The following ROBO2 variants were observed in gnomAD, a reference collection of about 807,000 sequenced individuals.
ROBO2 encodes roundabout guidance receptor 2.
ROBO2 carries 53 observed loss-of-function variants against 160.8 expected under a neutral mutation model. The ratio of observed to expected loss-of-function variants is 0.33; its 90% CI spans 0.26 to 0.41. The LOEUF (loss-of-function observed/expected upper bound fraction) is 0.41, where lower values mean the gene tolerates loss of function less well. ROBO2 is among the 10% of genes least tolerant of loss of function. The probability of loss-of-function intolerance (pLI) is 1.00; values close to 1 mark genes in which losing one functional copy is unlikely to be tolerated. For missense variants in ROBO2, 1,577 were observed against 1,722.4 expected (o/e 0.92, Z 1.49); for synonymous variants, 664 against 611.7 (o/e 1.09, Z -1.26).
intron 2 of ROBO2, among the ~76,000 whole-genome samples, chr3:76,917,686 G>GT (rs927866029): frequency 4.6e-5 from 7 of 151,896 alleles, no homozygotes; most frequent in African/African-American, 1.2e-4. Flanking sequence ...GAAAATAAAA[G>GT]TTTTTTTAAA....
intron 2 of ROBO2, among the ~76,000 whole-genome samples, chr3:76,713,643 G>A (rs2093335542): frequency 6.6e-6 from 1 of 152,104 alleles, no homozygotes; most frequent in South Asian, 2.1e-4. Flanking sequence ...AAGCTGGTAA[G>A]TTTTTCTTGC....
chr3:76,237,553 A>G (rs1023489065), intron 2 of ROBO2, among the ~76,000 whole-genome samples: 6 of 152,174 alleles, frequency 3.9e-5, no homozygotes, highest in Non-Finnish European at 5.9e-5. Context: ...TGACTGTTCA[A>G]TCTAGGAATG....
At chr3:76,123,493 T>C (rs2070837339) in intron 2 of ROBO2, among the ~76,000 whole-genome samples, 1 of 152,180 alleles carries the variant, frequency 6.6e-6, no homozygotes, top group African/African-American at 2.4e-5. Flanking sequence ...CTTCATGGGA[T>C]GTTTTTTTCT....
intron 2 of ROBO2, among the ~76,000 whole-genome samples, chr3:76,469,336 G>T (rs141138130): frequency 1.3e-5 from 2 of 152,076 alleles, no homozygotes; most frequent in East Asian, 1.9e-4. Context: ...ACCACTTGCC[G>T]TAATCCTAAT....
intron 2 of ROBO2, among the ~76,000 whole-genome samples, chr3:77,445,126 G>A (rs1251706730): frequency 1.3e-5 from 2 of 152,092 alleles, no homozygotes; most frequent in Non-Finnish European, 2.9e-5. Context: ...CCTTTTTAGG[G>A]ACTTAGATAG....
rs200058460 is a variant in ROBO2 at position 76,102,923 on chromosome 3, C to T, written c.109+165321C>T. Among the ~76,000 whole-genome samples, 76 of 151,712 alleles carry T rather than the reference C, an allele frequency of 5.0e-4. 2 individuals carry two copies. The East Asian group carries it at 0.013, about 27-fold the overall frequency. ...CACTGCAAGCTCTGCCTCCCGGGTT[C>T]ACGCCGTTCTCCTGCCTCAGCCTCC... On this transcript the variant is annotated intron_variant, in intron 2 of 26. Transcript: ENST00000487694.
At chr3:76,361,850 C>T (rs1254748845) in intron 2 of ROBO2, among the ~76,000 whole-genome samples, 1 of 151,980 alleles carries the variant, frequency 6.6e-6, no homozygotes, top group Non-Finnish European at 1.5e-5. Flanking sequence ...GACATTCTTT[C>T]TGATATTTAA....
chr3:76,814,781 T>C (rs1328688681), intron 2 of ROBO2, among the ~76,000 whole-genome samples: 6 of 151,960 alleles, frequency 3.9e-5, no homozygotes, highest in African/African-American at 1.2e-4. Context: ...TTTTACATTA[T>C]GCCAAAAAAG....
chr3:77,153,685 A>G (rs2077726702), intron 2 of ROBO2, among the ~76,000 whole-genome samples: 1 of 151,982 alleles, frequency 6.6e-6, no homozygotes, highest in Non-Finnish European at 1.5e-5. Context: ...TCGAAATAAC[A>G]ACAACAATTC....
chr3:76,641,828 C>T (rs1184185846), intron 2 of ROBO2, among the ~76,000 whole-genome samples: 1 of 152,190 alleles, frequency 6.6e-6, no homozygotes, highest in Non-Finnish European at 1.5e-5. Flanking sequence ...GCTTTAAACT[C>T]CCGGACTTAG....
rs1011642618 is a variant in ROBO2 at position 76,290,235 on chromosome 3, T to C, written c.109+352633T>C. 3.3e-5 allele frequency among the ~76,000 whole-genome samples: 5 copies of C among 152,188 alleles called. No homozygotes were observed. The East Asian group carries it at 7.7e-4, about 23-fold the overall frequency. On this transcript the variant is annotated intron_variant, in intron 2 of 26. Coordinates refer to the ROBO2 transcript ENST00000487694. ...TTTCACCAGTGTTTTGTAATTCTCATTGTAGAGATGTTTTACCTCCCTGAA... is the reference window on the plus strand; with the variant it reads ...TTTCACCAGTGTTTTGTAATTCTCACTGTAGAGATGTTTTACCTCCCTGAA...
intron 2 of ROBO2, among the ~76,000 whole-genome samples, chr3:76,268,406 A>C (rs1316270817): frequency 6.6e-6 from 1 of 152,204 alleles, no homozygotes; most frequent in Non-Finnish European, 1.5e-5. Flanking sequence ...TAACTACATA[A>C]CTGTATTTTC....
chr3:77,519,721 T>C (rs1203574905), intron 5 of ROBO2, among the ~76,000 whole-genome samples: 1 of 151,462 alleles, frequency 6.6e-6, no homozygotes, highest in African/African-American at 2.4e-5. Flanking sequence ...CTATTATGAA[T>C]AGTGCTGCAA....
chr3:77,437,065 T>G (rs927441545), intron 2 of ROBO2, among the ~76,000 whole-genome samples: 4 of 152,002 alleles, frequency 2.6e-5, no homozygotes, highest in African/African-American at 9.7e-5. Flanking sequence ...TGCAAGAAAA[T>G]GTGTTTCTGA....
intron 1 of ROBO2, among the ~76,000 whole-genome samples, chr3:75,916,436 A>G (rs1461023998): frequency 6.6e-6 from 1 of 152,218 alleles, no homozygotes; most frequent in African/African-American, 2.4e-5. Flanking sequence ...GGCAGCTCAC[A>G]TGGTAGGCAA....
At chr3:75,991,679 C>A (rs770556587) in intron 2 of ROBO2, among the ~76,000 whole-genome samples, 3 of 151,948 alleles carry the variant, frequency 2.0e-5, no homozygotes, top group Non-Finnish European at 4.4e-5. Flanking sequence ...AATGTGGAAT[C>A]AACTTTGGAA....
chr3:77,381,398 T>G (rs1042584522), intron 2 of ROBO2, among the ~76,000 whole-genome samples: 1 of 152,132 alleles, frequency 6.6e-6, no homozygotes, highest in African/African-American at 2.4e-5. Flanking sequence ...GTACCTAGGA[T>G]GCCGTATTAG....
intron 2 of ROBO2, among the ~76,000 whole-genome samples, chr3:77,375,316 T>C (rs1006964180): frequency 2.6e-5 from 4 of 152,204 alleles, no homozygotes; most frequent in African/African-American, 9.7e-5. Context: ...CAATAGAATG[T>C]CTTTCTTTTC....
At position 76,938,971 on chromosome 3, in the gene ROBO2, C is replaced by CAAAAAAAAAAAAAAAAAAAAAAAAAA. The variant is rs71629626; in HGVS notation, c.110-159018_110-159017insAAAAAAAAAAAAAAAAAAAAAAAAAA. The stretch of plus-strand genomic sequence containing the variant: ...GGGCGACAAGAGCAAAACTCAGTCT[C>CAAAAAAAAAAAAAAAAAAAAAAAAAA]AAAAAAAAAAAAAAAAAAAAAAAAA... On this transcript the variant is annotated intron_variant, in intron 2 of 26. Coordinates refer to the ROBO2 transcript ENST00000487694. Among the ~76,000 whole-genome samples the CAAAAAAAAAAAAAAAAAAAAAAAAAA allele has an allele frequency of 1.3e-4, 15 of 114,606 alleles. 1 individual carries two copies. Among genetic ancestry groups the CAAAAAAAAAAAAAAAAAAAAAAAAAA allele is most frequent in the African/African-American group, 4.4e-4 (14 of 31,856 alleles). The allele number at this position is 114,606 out of a possible 152,430, so 75.2% of individuals were successfully genotyped here.
Sources: gnomAD v4.1 joint callset for allele counts (sites outside exome capture counted in the v4.1 genomes callset) on GRCh38, gnomAD v4.1.1 for gene constraint, MANE v1.5 for transcripts, NCBI Gene and HGNC (gene_info 2026-07-23, HGNC 2026-07-21) for gene names.